The following DRC11 variants were observed in gnomAD, a reference collection of about 807,000 sequenced individuals.
DRC11 encodes IQ and AAA domain-containing protein 1.
chr2:236,378,742 A>C, the DRC11 span, among the ~76,000 whole-genome samples: 1 of 150,212 alleles, frequency 6.7e-6, no homozygotes, highest in Non-Finnish European at 1.5e-5. Flanking sequence ...CACCCTCCTC[A>C]AGGGATGGGA....
the DRC11 span, among the ~76,000 whole-genome samples, chr2:236,493,399 T>C: frequency 1.3e-5 from 2 of 152,204 alleles, no homozygotes; most frequent in African/African-American, 4.8e-5. Flanking sequence ...TGTAGTAACT[T>C]TCAAGTTCCT....
chr2:236,315,573 A>T, the DRC11 span, among the ~76,000 whole-genome samples: 2 of 152,208 alleles, frequency 1.3e-5, no homozygotes, highest in Middle Eastern at 3.2e-3. The surrounding 1 kb of genome is among the most constrained non-coding windows in gnomAD (Gnocchi z 5.1). Flanking sequence ...TTGCAGCACT[A>T]TTCACAATAG....
chr2:236,436,390 A>G, the DRC11 span, among the ~76,000 whole-genome samples: 1 of 152,066 alleles, frequency 6.6e-6, no homozygotes, highest in Non-Finnish European at 1.5e-5. Flanking sequence ...GATTCTCTTC[A>G]TGTTATTTGC....
At chr2:236,431,701 T>C in the DRC11 span, among the ~76,000 whole-genome samples, 1 of 152,264 alleles carries the variant, frequency 6.6e-6, no homozygotes, top group Non-Finnish European at 1.5e-5. This position sits in a 1 kb window ranked among gnomAD's most constrained non-coding sequence, Gnocchi z 4.2. Context: ...TCATGTTGCA[T>C]AATGTTTCAG....
chr2:236,462,757 G>A, the DRC11 span, among the ~76,000 whole-genome samples: 4 of 152,164 alleles, frequency 2.6e-5, no homozygotes, highest in African/African-American at 9.7e-5. The surrounding 1 kb of genome is among the most constrained non-coding windows in gnomAD (Gnocchi z 6.4). Context: ...AGCTGTTGGT[G>A]TAATTTCCTT....
the DRC11 span, chr2:236,455,218 T>C: frequency 6.6e-6 from 1 of 152,270 alleles, no homozygotes; most frequent in East Asian, 1.9e-4. The surrounding 1 kb of genome is among the most constrained non-coding windows in gnomAD (Gnocchi z 5.7). Flanking sequence ...CCTGCTGGCA[T>C]GTTCGGAAGG....
the DRC11 span, among the ~76,000 whole-genome samples, chr2:236,378,809 G>T: frequency 6.6e-6 from 1 of 152,126 alleles, no homozygotes. Context: ...GTTTACGCAT[G>T]GACAGATGTG....
chr2:236,386,316 A>G, the DRC11 span, among the ~76,000 whole-genome samples: 1 of 151,708 alleles, frequency 6.6e-6, no homozygotes, highest in East Asian at 1.9e-4. Context: ...TTGGTAAGCT[A>G]TTGATTATTG....
the DRC11 span, among the ~76,000 whole-genome samples, chr2:236,471,038 T>G: frequency 6.6e-6 from 1 of 152,340 alleles, no homozygotes; most frequent in Non-Finnish European, 1.5e-5. The surrounding 1 kb of genome is among the most constrained non-coding windows in gnomAD (Gnocchi z 4.6). Context: ...TATGGTTTGC[T>G]AGGCACTATT....
chr2:236,322,958 G>T, the DRC11 span, among the ~76,000 whole-genome samples: 2 of 152,204 alleles, frequency 1.3e-5, no homozygotes, highest in Non-Finnish European at 2.9e-5. Context: ...AGTTCTACTG[G>T]ATGGTGCTCT....
At chr2:236,410,093 G>A in the DRC11 span, among the ~76,000 whole-genome samples, 2 of 151,566 alleles carry the variant, frequency 1.3e-5, no homozygotes, top group East Asian at 1.9e-4. Flanking sequence ...GTCTCTGCCC[G>A]GCTTTGGTAT....
chr2:236,408,171 C>T, the DRC11 span: 1 of 721,590 alleles, frequency 1.4e-6, no homozygotes, highest in East Asian at 2.7e-5. The surrounding 1 kb of genome is among the most constrained non-coding windows in gnomAD (Gnocchi z 5.5). Context: ...AGGCATTGTT[C>T]TTGATCAGTT....
chr2:236,318,531 G>A, the DRC11 span, among the ~76,000 whole-genome samples: 18 of 151,784 alleles, frequency 1.2e-4, no homozygotes, highest in South Asian at 1.0e-3. This position sits in a 1 kb window ranked among gnomAD's most constrained non-coding sequence, Gnocchi z 7.0. Context: ...GCCTGTATAT[G>A]TATATATGTA....
At chr2:236,469,423 G>C in the DRC11 span, among the ~76,000 whole-genome samples, 2 of 152,042 alleles carry the variant, frequency 1.3e-5, no homozygotes, top group Non-Finnish European at 2.9e-5. This position sits in a 1 kb window ranked among gnomAD's most constrained non-coding sequence, Gnocchi z 5.8. Flanking sequence ...TCACACATCT[G>C]TTATTTGAGG....
chr2:236,405,439 C>G, the DRC11 span, among the ~76,000 whole-genome samples: 2 of 151,804 alleles, frequency 1.3e-5, no homozygotes, highest in African/African-American at 4.8e-5. This position sits in a 1 kb window ranked among gnomAD's most constrained non-coding sequence, Gnocchi z 4.6. Context: ...CTCCAGTTTT[C>G]TGGGCCTTGC....
the DRC11 span, among the ~76,000 whole-genome samples, chr2:236,363,517 T>G: frequency 3.3e-5 from 5 of 152,176 alleles, no homozygotes; most frequent in Non-Finnish European, 7.4e-5. This position sits in a 1 kb window ranked among gnomAD's most constrained non-coding sequence, Gnocchi z 5.6. Context: ...TAATTTTCAA[T>G]GAGACATGAA....
the DRC11 span, among the ~76,000 whole-genome samples, chr2:236,356,128 C>T: frequency 1.3e-5 from 2 of 152,070 alleles, no homozygotes; most frequent in African/African-American, 2.4e-5. Flanking sequence ...ACTCAGCCCT[C>T]AGGGGCCAGG....
the DRC11 span, among the ~76,000 whole-genome samples, chr2:236,315,805 C>T: frequency 2.6e-5 from 4 of 151,964 alleles, no homozygotes; most frequent in South Asian, 2.1e-4. This position sits in a 1 kb window ranked among gnomAD's most constrained non-coding sequence, Gnocchi z 5.1. Context: ...ACAATGAGAA[C>T]GTGGACACAA....
the DRC11 span, chr2:236,363,897 C>T: frequency 6.2e-7 from 1 of 1,613,926 alleles, no homozygotes; most frequent in South Asian, 1.1e-5. This position sits in a 1 kb window ranked among gnomAD's most constrained non-coding sequence, Gnocchi z 5.6. Flanking sequence ...TGGCATGGAC[C>T]AGCATTTTCT....
Sources: gnomAD v4.1 joint callset for allele counts (sites outside exome capture counted in the v4.1 genomes callset) on GRCh38, gnomAD v4.1.1 for gene constraint, Gnocchi (gnomAD v3.1) non-coding constraint, MANE v1.5 for transcripts, NCBI Gene and HGNC (gene_info 2026-07-23, HGNC 2026-07-21) for gene names.